MACROD2: variants seen among roughly 807,000 people sequenced by gnomAD.
MACROD2 encodes the protein ADP-ribose glycohydrolase MACROD2.
In MACROD2, 36 loss-of-function variants were observed where a neutral mutation model predicts 70.4. That is an observed-to-expected ratio of 0.51 (90% CI 0.39 to 0.68). The LOEUF (loss-of-function observed/expected upper bound fraction) is 0.68, where lower values mean the gene tolerates loss of function less well. Ranked by LOEUF, MACROD2 falls within the 30% of genes least tolerant of loss-of-function variation. The pLI is 0.00. For missense variants in MACROD2, 496 were observed against 538.4 expected (o/e 0.92, Z 0.78); for synonymous variants, 172 against 178.8 (o/e 0.96, Z 0.30).
intron 5 of MACROD2, among the ~76,000 whole-genome samples, chr20:14,697,569 C>T (rs1210585277): frequency 6.6e-6 from 1 of 152,188 alleles, no homozygotes; most frequent in Non-Finnish European, 1.5e-5. Flanking sequence ...TATCACACTA[C>T]AAGTAATATC....
intron 8 of MACROD2, among the ~76,000 whole-genome samples, chr20:15,616,911 C>T (rs2049046947): frequency 6.6e-6 from 1 of 152,166 alleles, no homozygotes; most frequent in South Asian, 2.1e-4. Context: ...TTCCTAACTC[C>T]CTTCTCCCTG....
chr20:15,750,870 T>TA (rs1306292242), intron 8 of MACROD2, among the ~76,000 whole-genome samples: 6 of 149,884 alleles, frequency 4.0e-5, no homozygotes, highest in Non-Finnish European at 5.9e-5. Flanking sequence ...CTGTGGAATC[T>TA]AAAAAAAACA....
chr20:14,473,649 C>T (rs2123052473), intron 3 of MACROD2, among the ~76,000 whole-genome samples: 1 of 152,232 alleles, frequency 6.6e-6, no homozygotes, highest in Admixed American at 6.5e-5. Flanking sequence ...ATTTCATTTT[C>T]TTTGGATAGA....
intron 8 of MACROD2, among the ~76,000 whole-genome samples, chr20:15,793,497 G>A (rs1025298951): frequency 6.6e-6 from 1 of 151,954 alleles, no homozygotes; most frequent in African/African-American, 2.4e-5. Flanking sequence ...GCAGCAATCT[G>A]AATTGTAAGA....
At chr20:14,882,763 T>C (rs974878910) in intron 5 of MACROD2, among the ~76,000 whole-genome samples, 2 of 145,312 alleles carry the variant, frequency 1.4e-5, no homozygotes, top group African/African-American at 5.2e-5. Context: ...CCAAAGGAAA[T>C]ATGTTGGATT....
intron 2 of MACROD2, chr20:14,051,989 C>T (rs923431805): frequency 9.9e-6 from 5 of 505,782 alleles, no homozygotes; most frequent in Non-Finnish European, 2.0e-5. Context: ...GGATCCTTGC[C>T]TGGAACAAGT....
intron 5 of MACROD2, among the ~76,000 whole-genome samples, chr20:14,741,052 T>G (rs1455051805): frequency 2.0e-5 from 3 of 152,186 alleles, no homozygotes; most frequent in Non-Finnish European, 1.5e-5. Flanking sequence ...TAATCTGACT[T>G]ATTCATTTAA....
At chr20:15,166,145 T>G (rs2076382278) in intron 5 of MACROD2, among the ~76,000 whole-genome samples, 1 of 152,194 alleles carries the variant, frequency 6.6e-6, no homozygotes, top group Admixed American at 6.5e-5. Flanking sequence ...TGATAAAATG[T>G]TCTAAAACCA....
intron 5 of MACROD2, among the ~76,000 whole-genome samples, chr20:14,730,341 A>G (rs1482669225): frequency 1.3e-5 from 2 of 152,212 alleles, no homozygotes; most frequent in Non-Finnish European, 2.9e-5. Context: ...TTGAGGCCCA[A>G]TCATGCTACT....
chr20:15,695,732 T>C (rs970124425), intron 8 of MACROD2, among the ~76,000 whole-genome samples: 6 of 152,166 alleles, frequency 3.9e-5, no homozygotes, highest in African/African-American at 1.4e-4. Flanking sequence ...TTCAGCAGTG[T>C]TTTGTAGTTT....
chr20:14,771,644 T>TACACACACAC (rs745602537), intron 5 of MACROD2, among the ~76,000 whole-genome samples: 2 of 141,682 alleles, frequency 1.4e-5, no homozygotes, highest in African/African-American at 5.2e-5. Flanking sequence ...TATCCAAAAA[T>TACACACACAC]ACACACACAC....
chr20:15,911,259 T>A lies in MACROD2; in HGVS notation c.776-22017T>A, dbSNP rs114233917. ...TATGGACCAAGTAGGAGCTGAGTGG[T>A]TCCCCAGAGGAAAACAGGGGAAGTA... On this transcript the variant is annotated intron_variant, in intron 10 of 17. Transcript: ENST00000684519. 4.3e-3 allele frequency among the ~76,000 whole-genome samples: 651 copies of A among 152,232 alleles called. 4 individuals carry two copies. Among genetic ancestry groups the A allele is most frequent in the African/African-American group, 0.015 (605 of 41,544 alleles).
At chr20:15,630,723 G>A (rs1250710114) in intron 8 of MACROD2, among the ~76,000 whole-genome samples, 2 of 152,238 alleles carry the variant, frequency 1.3e-5, no homozygotes, top group South Asian at 2.1e-4. Context: ...TGCACAAAAT[G>A]CAAGGGAGAG....
chr20:14,109,267 G>A (rs180859214), intron 3 of MACROD2, among the ~76,000 whole-genome samples: 2 of 151,636 alleles, frequency 1.3e-5, no homozygotes, highest in African/African-American at 4.8e-5. Flanking sequence ...TAAAGAAAGG[G>A]AAATTTATAG....
chr20:14,859,489 C>A (rs943190557), intron 5 of MACROD2, among the ~76,000 whole-genome samples: 3 of 152,100 alleles, frequency 2.0e-5, no homozygotes, highest in Non-Finnish European at 4.4e-5. Flanking sequence ...CATGCTAGTG[C>A]TCATCCTTAC....
At position 15,752,414 on chromosome 20, in the gene MACROD2, AAT is replaced by A. The variant is rs2051286589; in HGVS notation, c.646-110328_646-110327del. On this transcript the variant is annotated intron_variant, in intron 8 of 17. Coordinates refer to ENST00000684519, the MANE Select transcript of MACROD2 (RefSeq NM_001351661.2). ...CAAAACCCCTGCTCCTGTCAAGACAAATATGTTTCTCTTTAGTTGTGATTTCT... is the reference window on the plus strand; with the variant it reads ...CAAAACCCCTGCTCCTGTCAAGACAAATGTTTCTCTTTAGTTGTGATTTCT... Among the ~76,000 whole-genome samples the A allele has an allele frequency of 2.0e-5, 3 of 152,186 alleles. No individual in the cohort carries two copies. In the South Asian group the frequency reaches 6.2e-4, roughly 32 times the overall value.
At chr20:14,319,140 ATCT>A (rs2082637484) in intron 3 of MACROD2, among the ~76,000 whole-genome samples, 1 of 152,176 alleles carries the variant, frequency 6.6e-6, no homozygotes, top group Non-Finnish European at 1.5e-5. Flanking sequence ...TAATCCCATC[ATCT>A]TCTCCATCCT....
intron 5 of MACROD2, among the ~76,000 whole-genome samples, chr20:14,814,002 T>G (rs1031428710): frequency 2.6e-5 from 4 of 152,032 alleles, no homozygotes; most frequent in Non-Finnish European, 4.4e-5. Context: ...ACATACAAAA[T>G]ACACTCTTAT....
intron 3 of MACROD2, among the ~76,000 whole-genome samples, chr20:14,199,576 T>A (rs375625768): frequency 6.6e-6 from 1 of 152,208 alleles, no homozygotes; most frequent in African/African-American, 2.4e-5. Context: ...TTGTTTTGTT[T>A]CATTGTTAAC....
Sources: allele counts gnomAD v4.1 joint callset (sites outside exome capture counted in the v4.1 genomes callset), GRCh38; gene constraint gnomAD v4.1.1; transcripts MANE v1.5; gene names NCBI Gene and HGNC (gene_info 2026-07-23, HGNC 2026-07-21).